Variants in DAB1 observed in about 807,000 individuals in gnomAD.
DAB1 encodes disabled homolog 1.
Under a neutral mutation model 64.6 loss-of-function variants are expected in DAB1, and 15 were observed. The ratio of observed to expected loss-of-function variants is 0.23; its 90% CI spans 0.16 to 0.36. The LOEUF is 0.36. DAB1 is among the 10% of genes least tolerant of loss of function. The pLI is 1.00. For synonymous variants in DAB1, 235 were observed against 251.9 expected (o/e 0.93, Z 0.64); for missense variants, 596 against 706.7 (o/e 0.84, Z 1.78).
chr1:57,439,121 G>C (rs979750672), intron 7 of DAB1, among the ~76,000 whole-genome samples: 25 of 152,118 alleles, frequency 1.6e-4, no homozygotes, highest in African/African-American at 5.1e-4. Flanking sequence ...AAATACTGAG[G>C]TGAAAATGCC....
intron 1 of DAB1, among the ~76,000 whole-genome samples, chr1:57,845,685 G>A (rs1263930581): frequency 6.6e-6 from 1 of 152,168 alleles, no homozygotes; most frequent in Non-Finnish European, 1.5e-5. Flanking sequence ...GACAGAGGAA[G>A]AGCCCTATAA....
chr1:57,357,567 T>C (rs1679215871), intron 1 of DAB1, among the ~76,000 whole-genome samples: 1 of 151,656 alleles, frequency 6.6e-6, no homozygotes, highest in Admixed American at 6.6e-5. Context: ...TTGTTTTCTT[T>C]GTTTCTTTTT....
At chr1:58,382,979 G>T (rs1237717070) in intron 3 of DAB1, among the ~76,000 whole-genome samples, 3 of 152,146 alleles carry the variant, frequency 2.0e-5, no homozygotes, top group Non-Finnish European at 2.9e-5. Context: ...TGCATCTGTT[G>T]TAAGACTTTG....
chr1:57,079,493 TCA>T (rs1652288729), intron 4 of DAB1, among the ~76,000 whole-genome samples: 2 of 152,144 alleles, frequency 1.3e-5, no homozygotes, highest in Admixed American at 6.6e-5. Flanking sequence ...CCTCTGACAG[TCA>T]CACCACAGGA....
intron 1 of DAB1, among the ~76,000 whole-genome samples, chr1:57,390,370 A>G (rs1682247316): frequency 6.6e-6 from 1 of 152,216 alleles, no homozygotes; most frequent in Non-Finnish European, 1.5e-5. Flanking sequence ...GGATACTCCT[A>G]AGTATAAATG....
chr1:57,268,179 C>T (rs1043104043), intron 2 of DAB1, among the ~76,000 whole-genome samples: 1 of 152,160 alleles, frequency 6.6e-6, no homozygotes, highest in African/African-American at 2.4e-5. Flanking sequence ...ATGCAGGGAA[C>T]AGGCGGTGTG....
At chr1:58,233,437 C>T (rs1007808539) in intron 4 of DAB1, among the ~76,000 whole-genome samples, 1 of 152,136 alleles carries the variant, frequency 6.6e-6, no homozygotes, top group African/African-American at 2.4e-5. Flanking sequence ...CCTCCGATCA[C>T]CATATGGAGC....
rs538537171 is a variant in DAB1 at position 58,258,412 on chromosome 1, A to T, written n.309+84940T>A. Among the ~76,000 whole-genome samples, 6 of 152,336 alleles carry T rather than the reference A, an allele frequency of 3.9e-5. No individual in the cohort carries two copies. The South Asian group carries it at 1.2e-3, about 32-fold the overall frequency. On this transcript the variant is annotated intron_variant and non_coding_transcript_variant, in intron 4 of 20. Coordinates refer to the DAB1 transcript ENST00000485760. ...GGTCTAGCTGGGAGCTTCCTGGAAA[A>T]ATGAACCAAATATGGCTTTGAATGG... is the stretch of plus-strand genomic sequence containing the variant.
chr1:58,329,468 T>G (rs1229669665), intron 4 of DAB1, among the ~76,000 whole-genome samples: 1 of 152,248 alleles, frequency 6.6e-6, no homozygotes, highest in Non-Finnish European at 1.5e-5. Context: ...ATAACTTATG[T>G]AATCTCACTT....
At chr1:57,611,247 C>T (rs1291121444) in intron 7 of DAB1, among the ~76,000 whole-genome samples, 1 of 151,472 alleles carries the variant, frequency 6.6e-6, no homozygotes, top group Admixed American at 6.6e-5. Context: ...AGGTGAGAGC[C>T]ACTGCCCTGC....
At chr1:57,248,306 C>A (rs1669048216) in intron 2 of DAB1, among the ~76,000 whole-genome samples, 1 of 151,638 alleles carries the variant, frequency 6.6e-6, no homozygotes, top group Non-Finnish European at 1.5e-5. Flanking sequence ...CCTGAGAATG[C>A]CAAACCTGTA....
At chr1:57,353,989 T>C (rs2100870167) in intron 1 of DAB1, among the ~76,000 whole-genome samples, 1 of 152,268 alleles carries the variant, frequency 6.6e-6, no homozygotes, top group Non-Finnish European at 1.5e-5. Context: ...ATGAATCACC[T>C]CAAATTTTTG....
chr1:58,539,975 C>G (rs960684780), intron 1 of DAB1, among the ~76,000 whole-genome samples: 2 of 152,100 alleles, frequency 1.3e-5, no homozygotes, highest in Non-Finnish European at 2.9e-5. Context: ...AATCCCCCTC[C>G]CATATTCAGC....
At chr1:57,807,487 T>C (rs1021357698) in intron 6 of DAB1, among the ~76,000 whole-genome samples, 12 of 152,290 alleles carry the variant, frequency 7.9e-5, no homozygotes, top group Admixed American at 6.5e-5. Context: ...TTCTTCTTGT[T>C]TTATGTCATC....
At chr1:57,423,485 G>T (rs1410822030) in intron 1 of DAB1, among the ~76,000 whole-genome samples, 1 of 152,068 alleles carries the variant, frequency 6.6e-6, no homozygotes, top group East Asian at 1.9e-4. Context: ...TGAGGAAAAG[G>T]GTCTGGCCAC....
At chr1:57,505,270 C>T (rs567269129) in intron 7 of DAB1, among the ~76,000 whole-genome samples, 2 of 152,232 alleles carry the variant, frequency 1.3e-5, no homozygotes, top group East Asian at 1.9e-4. Flanking sequence ...TCCATTACAT[C>T]GCAGCCACAC....
intron 6 of DAB1, among the ~76,000 whole-genome samples, chr1:57,810,285 G>A (rs1651557064): frequency 6.6e-6 from 1 of 152,178 alleles, no homozygotes; most frequent in Admixed American, 6.5e-5. Context: ...GCCTGTTGAT[G>A]AACTCTTCCT....
chr1:58,020,934 T>C (rs1405241128), intron 5 of DAB1, among the ~76,000 whole-genome samples: 2 of 151,966 alleles, frequency 1.3e-5, no homozygotes, highest in African/African-American at 4.8e-5. Flanking sequence ...ACCCAGGAGG[T>C]GGAGGTTTCA....
At chr1:57,450,650 A>G (rs191069947) in intron 7 of DAB1, among the ~76,000 whole-genome samples, 1 of 152,342 alleles carries the variant, frequency 6.6e-6, no homozygotes, top group African/African-American at 2.4e-5. Context: ...GACATCTCGA[A>G]TTATCTTCAA....
Sources: allele counts gnomAD v4.1 joint callset (sites outside exome capture counted in the v4.1 genomes callset), GRCh38; gene constraint gnomAD v4.1.1; transcripts MANE v1.5; gene names NCBI Gene and HGNC (gene_info 2026-07-23, HGNC 2026-07-21).